Variants in DLGAP5 observed in about 807,000 individuals in gnomAD.
DLGAP5 encodes the protein disks large-associated protein 5.
Under a neutral mutation model 99.6 loss-of-function variants are expected in DLGAP5, and 90 were observed. The observed-to-expected ratio is 0.90, with a 90% CI of 0.76 to 1.08. The LOEUF (loss-of-function observed/expected upper bound fraction) is 1.08, where lower values mean the gene tolerates loss of function less well. DLGAP5 is among the 50% of genes least tolerant of loss of function. The probability of loss-of-function intolerance (pLI) is 0.00; values close to 1 mark genes in which losing one functional copy is unlikely to be tolerated. For synonymous variants in DLGAP5, 311 were observed against 321.3 expected, an observed-to-expected ratio of 0.97 and a Z score of 0.34; for missense variants, 1,036 against 983.5, an observed-to-expected ratio of 1.05 and a Z score of -0.71.
intron 15 of DLGAP5, among the ~76,000 whole-genome samples, chr14:55,154,028 C>T (rs1350218839): frequency 6.6e-6 from 1 of 152,184 alleles, no homozygotes; most frequent in East Asian, 1.9e-4. Flanking sequence ...TGCACTCCAG[C>T]CTAGGCAACA....
chr14:55,181,109 T>C (rs910158735), intron 5 of DLGAP5, 104 bp downstream of exon 5: 20 of 1,127,202 alleles, frequency 1.8e-5, no homozygotes, highest in Non-Finnish European at 2.6e-5. Context: ...AGCAAGACTC[T>C]GTCACAAACA....
intron 12 of DLGAP5, among the ~76,000 whole-genome samples, chr14:55,166,836 T>A (rs1882660188): frequency 6.6e-6 from 1 of 151,778 alleles, no homozygotes; most frequent in Non-Finnish European, 1.5e-5. Context: ...AATGAATGAA[T>A]TTTATCATAT....
At chr14:55,174,476 C>T (rs199509560) in intron 10 of DLGAP5, among the ~76,000 whole-genome samples, 1 of 151,520 alleles carries the variant, frequency 6.6e-6, no homozygotes, top group African/African-American at 2.4e-5. Flanking sequence ...CGCACACTCC[C>T]TCCCCTTTTG....
At chr14:55,156,643 T>C (rs1057084862) in intron 14 of DLGAP5, among the ~76,000 whole-genome samples, 1 of 152,196 alleles carries the variant, frequency 6.6e-6, no homozygotes, top group African/African-American at 2.4e-5. Context: ...TGCCCTATTC[T>C]TAACCATGTG....
intron 7 of DLGAP5, among the ~76,000 whole-genome samples, chr14:55,179,425 T>C (rs1405844737): frequency 4.6e-5 from 7 of 152,222 alleles, no homozygotes; most frequent in Non-Finnish European, 8.8e-5. Flanking sequence ...AAAATTATGC[T>C]TTCTCTACCT....
chr14:55,177,941 T>A (rs1326563478), intron 7 of DLGAP5, among the ~76,000 whole-genome samples: 1 of 152,046 alleles, frequency 6.6e-6, no homozygotes. Context: ...CAAATACGTA[T>A]CTTTTTACTT....
chr14:55,174,700 T>C (rs1005912278), intron 10 of DLGAP5, among the ~76,000 whole-genome samples: 7 of 151,334 alleles, frequency 4.6e-5, no homozygotes, highest in African/African-American at 1.7e-4. Flanking sequence ...TATAGATATA[T>C]ATATATTTTG....
At chr14:55,185,409 C>A (rs1284682367) in intron 2 of DLGAP5, among the ~76,000 whole-genome samples, 1 of 152,054 alleles carries the variant, frequency 6.6e-6, no homozygotes, top group Non-Finnish European at 1.5e-5. Context: ...CCATTTTGGC[C>A]AGGGTGGTCT....
In DLGAP5 at chr14:55,175,967, G is replaced by A; in HGVS notation, c.1101C>T (p.Tyr367=). Residue 367 remains tyrosine, a synonymous_variant, in exon 9 of 19, where the codon TAC becomes TAT. Coordinates refer to ENST00000247191, the MANE Select transcript of DLGAP5 (RefSeq NM_014750.5). ...AATCTTGCTGTATTGTCTTGGTAGA[G>A]TAAGTTTTACATTTTTGTGCCAAAA... The part of the protein sequence containing the change: ...KEILAQKCKT[Y]STKTIQQDSN... 1 of 1,609,214 alleles carries A rather than the reference G, an allele frequency of 6.2e-7. No homozygotes were observed. The highest frequency in any genetic ancestry group is 8.5e-7 in the Non-Finnish European group (1 of 1,177,032).
chr14:55,189,123 A>G lies in DLGAP5; in HGVS notation c.57T>C (p.Ile19=). The part of the protein sequence containing the change: ...RHRKDISTEM[I]RTKIAHRKSL... ...ATTTCCTATGAGCAATTTTAGTTCT[A>G]ATCATTTCAGTACTTATATCCTTCC... The change falls in exon 2 of 19, where the codon ATT becomes ATC. Residue 19 remains isoleucine, a synonymous_variant. Coordinates refer to ENST00000247191, the MANE Select transcript of DLGAP5 (RefSeq NM_014750.5). 1 of 1,613,960 alleles carries G rather than the reference A, an allele frequency of 6.2e-7. No individual in the cohort carries two copies. Among genetic ancestry groups the G allele is most frequent in the Non-Finnish European group, 8.5e-7 (1 of 1,179,956 alleles).
rs1882034029 is a variant in DLGAP5, at chr14:55,151,927, T to C, written c.2136A>G (p.Thr712=). Reference sequence around the variant, plus strand: ...TGGATAAACAATCCACCTTCAAGTCTGTCTTATTTACAACCTGGAAGTAAA... The same window carrying C: ...TGGATAAACAATCCACCTTCAAGTCCGTCTTATTTACAACCTGGAAGTAAA... ...LIEENHVVNK[T]DLKVDCLSSE... is the part of the protein sequence containing the mutation. The change falls in exon 17 of 19, where the codon ACA becomes ACG. Residue 712 remains threonine (T), a synonymous_variant. Transcript: ENST00000247191. 1 of 1,611,380 alleles carries C rather than the reference T, an allele frequency of 6.2e-7. No homozygotes were observed. Among genetic ancestry groups the C allele is most frequent in the Admixed American group, 1.7e-5 (1 of 59,332 alleles).
intron 12 of DLGAP5, among the ~76,000 whole-genome samples, chr14:55,167,146 C>T (rs992960096): frequency 2.7e-5 from 4 of 149,362 alleles, no homozygotes; most frequent in East Asian, 4.0e-4. Context: ...CCCAGCTACT[C>T]GGGAGGCAGA....
rs375526239 is a variant in DLGAP5 at position 55,158,574 on chromosome 14, T to C, written c.1821A>G (p.Ile607Met). Residue 607 changes from isoleucine (I) to methionine (M), a missense_variant, in exon 14 of 19, where the codon ATA becomes ATG. By Grantham distance (10) the Ile-to-Met change is conservative (BLOSUM62 1). Coordinates refer to ENST00000247191, the MANE Select transcript of DLGAP5 (RefSeq NM_014750.5). ...VSVIPKEVDK[I>M]VFDAGFFRVE... ...CTCTGAAAAATCCAGCATCGAACAC[T>C]ATTTTATCAACTTCCTTTGGTATCA... 3 of 1,614,036 alleles carry C rather than the reference T, an allele frequency of 1.9e-6. No individual in the cohort carries two copies. Among genetic ancestry groups the C allele is most frequent in the African/African-American group, 2.7e-5 (2 of 74,942 alleles).
At chr14:55,174,555 T>A (rs541447644) in intron 10 of DLGAP5, among the ~76,000 whole-genome samples, 27 of 152,328 alleles carry the variant, frequency 1.8e-4, no homozygotes, top group African/African-American at 6.3e-4. Context: ...CGACATGTGA[T>A]GTCTCCCCCG....
intron 1 of DLGAP5, among the ~76,000 whole-genome samples, chr14:55,190,558 A>C (rs1375433673): frequency 6.6e-6 from 1 of 152,142 alleles, no homozygotes; most frequent in East Asian, 1.9e-4. Context: ...AAAACAAAAA[A>C]AGGTAAGGGG....
chr14:55,164,652 T>C (rs1326310659), intron 12 of DLGAP5, among the ~76,000 whole-genome samples: 1 of 151,882 alleles, frequency 6.6e-6, no homozygotes, highest in African/African-American at 2.4e-5. Context: ...CCGGGTGCAG[T>C]GGCACACCCC....
intron 4 of DLGAP5, among the ~76,000 whole-genome samples, chr14:55,181,848 G>A (rs1883287583): frequency 6.6e-6 from 1 of 151,932 alleles, no homozygotes. Flanking sequence ...TGCCTTACAT[G>A]TAAGTTCCAC....
intron 15 of DLGAP5, among the ~76,000 whole-genome samples, chr14:55,152,935 C>G (rs1415702520): frequency 6.6e-6 from 1 of 152,132 alleles, no homozygotes; most frequent in African/African-American, 2.4e-5. Context: ...TCAGCCAAAT[C>G]CAGAGCTATA....
rs189499755 is a variant in DLGAP5, at chr14:55,170,832, C to T, written c.1302-45G>A. ...TTCAGTTCTACAAGTGGTTTTTACA[C>T]TAGTAGCTAAGTATTAGCATAACAT... On this transcript the variant is annotated intron_variant, in intron 10 of 18. Transcript: ENST00000247191. 3.6e-6 allele frequency: 5 copies of T among 1,392,262 alleles called. No individual in the cohort carries two copies. In the African/African-American group the frequency reaches 7.1e-5, roughly 20 times the overall value. 86.2% of individuals were successfully genotyped at this position (1,392,262 alleles called of 1,614,324 possible).
Sources: allele counts gnomAD v4.1 joint callset (sites outside exome capture counted in the v4.1 genomes callset), GRCh38; gene constraint gnomAD v4.1.1; transcripts MANE v1.5; gene names NCBI Gene and HGNC (gene_info 2026-07-23, HGNC 2026-07-21).